Variants in CCDC18 observed in about 807,000 individuals in gnomAD.
CCDC18 encodes the protein coiled-coil domain containing 18, also known as coiled-coil domain-containing protein 18.
A neutral mutation model predicts 196.0 loss-of-function variants in CCDC18; 157 were observed. The ratio of observed to expected loss-of-function variants is 0.80; its 90% confidence interval spans 0.70 to 0.91. CCDC18 has a LOEUF of 0.91. Ranked by LOEUF, CCDC18 falls within the 40% of genes least tolerant of loss-of-function variation. The probability of loss-of-function intolerance (pLI) is 0.00; values close to 1 mark genes in which losing one functional copy is unlikely to be tolerated. For synonymous variants in CCDC18, 482 were observed against 529.2 expected (o/e 0.91, Z 1.22); for missense variants, 1,465 against 1,611.6 (o/e 0.91, Z 1.56).
rs774126276 is a variant in CCDC18 at position 93,192,091 on chromosome 1, A to G, written c.554A>G (p.Gln185Arg). 3.1e-5 allele frequency: 50 copies of G among 1,609,588 alleles called. No homozygotes were observed. The highest frequency in any genetic ancestry group is 3.8e-5 in the Non-Finnish European group (45 of 1,176,230). The change falls in exon 5 of 29, where the codon CAA becomes CGA. Residue 185 changes from glutamine to arginine, a missense_variant. Gln to Arg is a conservative substitution (Grantham distance 43, BLOSUM62 1). Coordinates refer to ENST00000690025, the MANE Select transcript of CCDC18 (RefSeq NM_001378204.1). Reference protein sequence around the residue: ...IINLEAEVSAQDKVLREAENK... With the variant: ...IINLEAEVSARDKVLREAENK... Reference sequence around the variant, plus strand: ...AATTTGGAAGCAGAGGTTTCAGCTCAAGATAAAGTTTTGAGGTAAATATAC... The same window carrying G: ...AATTTGGAAGCAGAGGTTTCAGCTCGAGATAAAGTTTTGAGGTAAATATAC...
rs71094239 is a variant in CCDC18 at position 93,181,159 on chromosome 1, T to TAAAAAAAAAAAAA, written c.-3+312_-3+324dup. 2.0e-4 allele frequency among the ~76,000 whole-genome samples: 18 copies of TAAAAAAAAAAAAA among 89,838 alleles called. 2 individuals are homozygous for TAAAAAAAAAAAAA. Among genetic ancestry groups the TAAAAAAAAAAAAA allele is most frequent in the East Asian group, 4.1e-4 (1 of 2,444 alleles). 58.9% of individuals were successfully genotyped at this position (89,838 alleles called of 152,430 possible). On this transcript the variant is annotated intron_variant, in intron 1 of 28. Coordinates refer to ENST00000690025, the MANE Select transcript of CCDC18 (RefSeq NM_001378204.1). ...TGGCGAGCCACTGTCTCTATAAAATTAAAAAAAAAAAAAAAAAGAGGAAAC... is the reference window on the plus strand; with the variant it reads ...TGGCGAGCCACTGTCTCTATAAAATTAAAAAAAAAAAAAAAAAAAAAAAAAAAAAAGAGGAAAC...
At chr1:93,248,525 G>T (rs1200413379) in intron 23 of CCDC18, among the ~76,000 whole-genome samples, 1 of 152,140 alleles carries the variant, frequency 6.6e-6, no homozygotes, top group Non-Finnish European at 1.5e-5. Flanking sequence ...ACTTGGTTAT[G>T]GTGAATGATC....
chr1:93,251,361 T>G (rs1410305930), intron 23 of CCDC18, among the ~76,000 whole-genome samples: 1 of 152,208 alleles, frequency 6.6e-6, no homozygotes, highest in Non-Finnish European at 1.5e-5. Context: ...TTACTAAAGA[T>G]ATAAGTGGTT....
At chr1:93,245,794 T>G (rs1661424723) in intron 21 of CCDC18, among the ~76,000 whole-genome samples, 1 of 152,134 alleles carries the variant, frequency 6.6e-6, no homozygotes. Context: ...TGTGGATATG[T>G]ATTTTTAAAA....
At chr1:93,268,804 AG>A (rs1173706208) in intron 27 of CCDC18, among the ~76,000 whole-genome samples, 5 of 151,902 alleles carry the variant, frequency 3.3e-5, no homozygotes, top group Admixed American at 1.3e-4. Context: ...GTGGAGAACT[AG>A]GAACACTTTT....
intron 6 of CCDC18, 104 bp from the exon 7 acceptor site, chr1:93,201,784 ATTTG>A (rs1393192286): frequency 6.3e-6 from 4 of 631,842 alleles, no homozygotes; most frequent in Admixed American, 3.7e-5. Flanking sequence ...GTGCAGAGAA[ATTTG>A]TTTCTCTCCA....
Position 93,225,005 on chromosome 1 carries a change from G to A in CCDC18, c.2176-1328G>A, listed in dbSNP as rs955504697. 3.3e-5 allele frequency among the ~76,000 whole-genome samples: 5 copies of A among 152,284 alleles called. No individual in the cohort carries two copies. The East Asian group carries it at 9.6e-4, about 29-fold the overall frequency. ...TTCATATACAGACTATAAGGGTGGT[G>A]TTCAAAAACTGTGTATCTTATAAGA... is the stretch of plus-strand genomic sequence containing the variant. On this transcript the variant is annotated intron_variant, in intron 16 of 28. Coordinates refer to ENST00000690025, the MANE Select transcript of CCDC18 (RefSeq NM_001378204.1).
intron 25 of CCDC18, among the ~76,000 whole-genome samples, chr1:93,257,510 A>T (rs1470690439): frequency 6.6e-6 from 1 of 152,048 alleles, no homozygotes; most frequent in East Asian, 1.9e-4. Flanking sequence ...AAAAAAAAAA[A>T]ATTCAGCTTT....
chr1:93,221,864 GA>G lies in CCDC18; in HGVS notation c.2108del (p.Lys703ArgfsTer4). On this transcript the variant is annotated frameshift_variant, in exon 16 of 29. Coordinates refer to ENST00000690025, the MANE Select transcript of CCDC18 (RefSeq NM_001378204.1). LOFTEE classifies it high-confidence loss of function. ...ACTTTTCTTACTGTTTTTAGGAAAT[GA>G]AAAAGGAAAATATGAAGAAAGATGA... Reference protein sequence around the residue: ...RLLTESKGEMKKENMKKDEAL... With the variant: ...RLLTESKGEMXKENMKKDEAL... 2 of 1,595,722 alleles carry G rather than the reference GA, an allele frequency of 1.3e-6. No individual in the cohort carries two copies. Among genetic ancestry groups the G allele is most frequent in the South Asian group, 1.1e-5 (1 of 87,886 alleles).
intron 23 of CCDC18, among the ~76,000 whole-genome samples, chr1:93,252,301 A>G (rs773476056): frequency 6.6e-6 from 1 of 152,178 alleles, no homozygotes; most frequent in Non-Finnish European, 1.5e-5. Context: ...CCTACTGAGT[A>G]TCTGGGATTA....
chr1:93,228,374 G>A (rs1338029434), intron 17 of CCDC18, among the ~76,000 whole-genome samples: 1 of 152,086 alleles, frequency 6.6e-6, no homozygotes, highest in Admixed American at 6.6e-5. Context: ...GGCAAAGGAG[G>A]CCAAGAAATG....
In CCDC18 at chr1:93,214,926, T is replaced by G; in HGVS notation, c.1679T>G (p.Leu560Arg). The change falls in exon 12 of 29, where the codon CTG becomes CGG. Residue 560 changes from leucine to arginine, a missense_variant. Physicochemically the swap from Leu to Arg is moderately radical, Grantham distance 102. Coordinates refer to ENST00000690025, the MANE Select transcript of CCDC18 (RefSeq NM_001378204.1). ...CAGTTTCAGCTGATTCAAGAGGAGC[T>G]GCTAGAGAAAGCTTCAAACTCCAGC... ...TSQFQLIQEE[L>R]LEKASNSSKL... 1 of 1,609,668 alleles carries G rather than the reference T, an allele frequency of 6.2e-7. No homozygotes were observed. Among genetic ancestry groups the G allele is most frequent in the South Asian group, 1.1e-5 (1 of 90,490 alleles).
intron 6 of CCDC18, among the ~76,000 whole-genome samples, chr1:93,195,474 A>G (rs1440083705): frequency 1.3e-5 from 2 of 152,202 alleles, no homozygotes; most frequent in Non-Finnish European, 2.9e-5. Context: ...TTGAAGAACT[A>G]AAATGAATAT....
chr1:93,273,962 T>G (rs1296487368), intron 28 of CCDC18, among the ~76,000 whole-genome samples: 1 of 152,214 alleles, frequency 6.6e-6, no homozygotes, highest in East Asian at 1.9e-4. Context: ...TCTACTGTAG[T>G]GGGTACTATT....
At chr1:93,260,855 G>T (rs891814888) in intron 26 of CCDC18, among the ~76,000 whole-genome samples, 74 of 152,274 alleles carry the variant, frequency 4.9e-4, no homozygotes, top group African/African-American at 1.6e-3. Flanking sequence ...ACTTATGAGT[G>T]AGAACATGCG....
At chr1:93,250,393 AAAAAG>A (rs1662079631) in intron 23 of CCDC18, among the ~76,000 whole-genome samples, 2 of 151,664 alleles carry the variant, frequency 1.3e-5, no homozygotes, top group Admixed American at 6.6e-5. Flanking sequence ...AAAAAAAAAA[AAAAAG>A]AAAAGAGAGA....
chr1:93,264,698 T>A lies in CCDC18; in HGVS notation c.3685-3T>A. On this transcript the variant is annotated splice_region_variant and splice_polypyrimidine_tract_variant and intron_variant, in intron 26 of 28. Coordinates refer to ENST00000690025, the MANE Select transcript of CCDC18 (RefSeq NM_001378204.1). ...TTTCTTTTCCAATTCTGGGGCTATA[T>A]AGATGATTTCACATCAAGAGAACCA... is the stretch of plus-strand genomic sequence containing the variant. The A allele has an allele frequency of 6.3e-7, 1 of 1,591,120 alleles. No homozygotes were observed. The highest frequency in any genetic ancestry group is 8.6e-7 in the Non-Finnish European group (1 of 1,161,418).
At chr1:93,255,848 A>G (rs1662893024) in intron 24 of CCDC18, among the ~76,000 whole-genome samples, 1 of 152,148 alleles carries the variant, frequency 6.6e-6, no homozygotes, top group Admixed American at 6.5e-5. Flanking sequence ...TAGAAATTTA[A>G]TTGAGTAATA....
chr1:93,183,293 G>T (rs1650046310), intron 1 of CCDC18, 67 bp from the exon 2 acceptor site: 1 of 1,113,424 alleles, frequency 9.0e-7, no homozygotes, highest in South Asian at 1.9e-5. Flanking sequence ...TTCTATTCAT[G>T]TGAGTATTTT....
Sources: gnomAD v4.1 joint callset for allele counts (sites outside exome capture counted in the v4.1 genomes callset) on GRCh38, gnomAD v4.1.1 for gene constraint, MANE v1.5 for transcripts, NCBI Gene and HGNC (gene_info 2026-07-23, HGNC 2026-07-21) for gene names.